Variants in TRIM14 observed in about 807,000 individuals in gnomAD.
The protein encoded by TRIM14 is tripartite motif containing 14.
In TRIM14, 28 loss-of-function variants were observed where a neutral mutation model predicts 44.5. The ratio of observed to expected loss-of-function variants is 0.63; its 90% CI spans 0.47 to 0.86. The LOEUF (loss-of-function observed/expected upper bound fraction) is 0.86. Ranked by LOEUF, TRIM14 falls within the 40% of genes least tolerant of loss-of-function variation. The pLI, the probability that TRIM14 is intolerant of heterozygous loss-of-function variation, is 0.00. For missense variants in TRIM14, 607 were observed against 611.1 expected, an observed-to-expected ratio of 0.99 and a Z score of 0.07; for synonymous variants, 299 against 269.2, an observed-to-expected ratio of 1.11 and a Z score of -1.08.
chr9:98,090,323 AAC>A (rs530625325), intron 5 of TRIM14, among the ~76,000 whole-genome samples: 198 of 152,336 alleles, frequency 1.3e-3, no homozygotes, highest in African/African-American at 4.6e-3. Context: ...AAAGAAGCAA[AAC>A]ACAGAAGGGT....
At chr9:98,103,086 T>C (rs977243102) in intron 2 of TRIM14, among the ~76,000 whole-genome samples, 2 of 151,980 alleles carry the variant, frequency 1.3e-5, no homozygotes, top group Non-Finnish European at 2.9e-5. Flanking sequence ...CTCAGGAGGC[T>C]GGGGCAAAGA....
the TRIM14 span, among the ~76,000 whole-genome samples, chr9:98,059,029 AT>A: frequency 5.1e-3 from 753 of 148,240 alleles, 5 homozygotes; most frequent in Non-Finnish European, 7.1e-3. Flanking sequence ...AGAAGTTTTT[AT>A]TTTTTTTTTT....
chr9:98,048,589 C>A, the TRIM14 span, among the ~76,000 whole-genome samples: 2 of 152,060 alleles, frequency 1.3e-5, no homozygotes, highest in African/African-American at 2.4e-5. Context: ...ACTTTAGTAA[C>A]CTTTGGGAAA....
At chr9:98,080,226 T>A (rs556331287), downstream of TRIM14, among the ~76,000 whole-genome samples, 9 of 152,238 alleles carry the variant, frequency 5.9e-5, no homozygotes, top group Non-Finnish European at 1.3e-4. Flanking sequence ...AAAGAAATAA[T>A]AAATAACAAT....
At chr9:98,038,989 G>T in the TRIM14 span, among the ~76,000 whole-genome samples, 1 of 151,900 alleles carries the variant, frequency 6.6e-6, no homozygotes, top group East Asian at 1.9e-4. Context: ...GGCAGAGGTT[G>T]CAGTGAGCCG....
the TRIM14 span, among the ~76,000 whole-genome samples, chr9:98,044,019 T>C: frequency 6.6e-6 from 1 of 151,428 alleles, no homozygotes; most frequent in East Asian, 1.9e-4. Context: ...TTTTTTTTTT[T>C]TTTTTCTTAA....
chr9:98,099,862 A>G lies in TRIM14; in HGVS notation c.537+69T>C, dbSNP rs148155160. ...GCTTAGTGTGTCAATACTGTGCTCAATGCCACAATACTTGAGATGAAGTGT... is the reference window on the plus strand; with the variant it reads ...GCTTAGTGTGTCAATACTGTGCTCAGTGCCACAATACTTGAGATGAAGTGT... On this transcript the variant is annotated intron_variant, in intron 3 of 5. Coordinates refer to ENST00000341469, the MANE Select transcript of TRIM14 (RefSeq NM_014788.4). 132 of 1,412,804 alleles carry G rather than the reference A, an allele frequency of 9.3e-5. No homozygotes were observed. The African/African-American group carries it at 1.6e-3, about 18-fold the overall frequency. The allele number at this position is 1,412,804 out of a possible 1,614,324, so 87.5% of individuals were successfully genotyped here.
At chr9:98,106,515 T>G (rs1049189431) in intron 2 of TRIM14, among the ~76,000 whole-genome samples, 1 of 152,214 alleles carries the variant, frequency 6.6e-6, no homozygotes, top group Admixed American at 6.5e-5. Context: ...TGGCAATATC[T>G]TTCTAATTTC....
intron 6 of TRIM14, among the ~76,000 whole-genome samples, chr9:98,071,320 G>A (rs564878193): frequency 5.9e-5 from 9 of 152,278 alleles, no homozygotes; most frequent in Non-Finnish European, 1.0e-4. Context: ...GCCCATACCC[G>A]GGCTATATGG....
At chr9:98,056,947 C>G in the TRIM14 span, 2 of 1,572,408 alleles carry the variant, frequency 1.3e-6, no homozygotes, top group Non-Finnish European at 1.7e-6. Flanking sequence ...CAAGGTGAGG[C>G]GGCAGCTCCC....
At chr9:98,112,942 C>T (rs1264195490) in intron 1 of TRIM14, among the ~76,000 whole-genome samples, 3 of 151,238 alleles carry the variant, frequency 2.0e-5, no homozygotes, top group Admixed American at 6.6e-5. Flanking sequence ...GGTGAAACCC[C>T]GTCTCTACTA....
At chr9:98,115,096 A>T (rs1827000803) in intron 1 of TRIM14, among the ~76,000 whole-genome samples, 1 of 147,112 alleles carries the variant, frequency 6.8e-6, no homozygotes, top group African/African-American at 2.5e-5. Flanking sequence ...TTTTAAATTA[A>T]TTTTTTTTTT....
At chr9:98,080,201 A>G (rs1829791551), downstream of TRIM14, among the ~76,000 whole-genome samples, 2 of 152,210 alleles carry the variant, frequency 1.3e-5, no homozygotes, top group Non-Finnish European at 2.9e-5. Flanking sequence ...GTGACAGAGC[A>G]AGACTCTGTT....
chr9:98,102,910 G>C (rs1470999446), intron 2 of TRIM14, among the ~76,000 whole-genome samples: 2 of 152,084 alleles, frequency 1.3e-5, no homozygotes, highest in Admixed American at 1.3e-4. Flanking sequence ...CAGTAGGCTG[G>C]GCGCGGTGGC....
At chr9:98,077,987 G>A (rs754892315) in intron 6 of TRIM14, 23 of 611,030 alleles carry the variant, frequency 3.8e-5, no homozygotes, top group Admixed American at 1.5e-4. Context: ...GAACACTGTC[G>A]GGGGGCAGAG....
chr9:98,114,597 C>T (rs7033242), intron 1 of TRIM14, among the ~76,000 whole-genome samples: 13,580 of 152,230 alleles, frequency 0.089, 1,810 homozygotes, highest in African/African-American at 0.29. Context: ...GCTGGGATTA[C>T]AGGCGTGAGC....
intron 2 of TRIM14, among the ~76,000 whole-genome samples, chr9:98,104,014 G>T (rs1028643347): frequency 2.0e-5 from 3 of 152,122 alleles, no homozygotes; most frequent in Non-Finnish European, 1.5e-5. Context: ...CAGGAGATGA[G>T]TTCTCTAAAT....
At chr9:98,109,074 G>A (rs924768748) in intron 2 of TRIM14, among the ~76,000 whole-genome samples, 1 of 152,018 alleles carries the variant, frequency 6.6e-6, no homozygotes, top group African/African-American at 2.4e-5. Context: ...GTAGAGATGG[G>A]AGTCTCACTA....
At chr9:98,071,223 CTGTA>C (rs1829326492) in intron 6 of TRIM14, among the ~76,000 whole-genome samples, 1 of 152,232 alleles carries the variant, frequency 6.6e-6, no homozygotes, top group South Asian at 2.1e-4. Flanking sequence ...GATGGCACGA[CTGTA>C]TGGTACACAC....
Sources: gnomAD v4.1 joint callset for allele counts (sites outside exome capture counted in the v4.1 genomes callset) on GRCh38, gnomAD v4.1.1 for gene constraint, MANE v1.5 for transcripts, NCBI Gene and HGNC (gene_info 2026-07-23, HGNC 2026-07-21) for gene names.